Variants in STXBP4 observed in about 807,000 individuals in gnomAD.
STXBP4 encodes syntaxin binding protein 4, also known as syntaxin-binding protein 4.
STXBP4 carries 55 observed loss-of-function variants against 76.1 expected under a neutral mutation model. The ratio of observed to expected loss-of-function variants is 0.72; its 90% CI spans 0.58 to 0.91. The LOEUF is 0.91. Among genes scored for constraint, STXBP4 ranks in the 40% least tolerant of loss-of-function variants. The probability of loss-of-function intolerance (pLI) is 0.00; values close to 1 mark genes in which losing one functional copy is unlikely to be tolerated. For synonymous variants in STXBP4, 201 were observed against 220.2 expected, an observed-to-expected ratio of 0.91 and a Z score of 0.77; for missense variants, 618 against 636.9, an observed-to-expected ratio of 0.97 and a Z score of 0.32.
At chr17:55,086,357 A>T (rs2079329125) in intron 16 of STXBP4, among the ~76,000 whole-genome samples, 1 of 152,298 alleles carries the variant, frequency 6.6e-6, no homozygotes, top group Middle Eastern at 3.4e-3. Context: ...AGTAACTAGC[A>T]TATCTATCAT....
At chr17:55,084,800 G>A (rs1381318291) in intron 16 of STXBP4, among the ~76,000 whole-genome samples, 3 of 152,028 alleles carry the variant, frequency 2.0e-5, no homozygotes, top group Non-Finnish European at 2.9e-5. Context: ...GTAGATATGC[G>A]GCGTTATTTC....
In STXBP4 at chr17:55,034,088, C is replaced by A. The variant is rs111609193; in HGVS notation, c.764-80C>A. On this transcript the variant is annotated intron_variant, in intron 9 of 17. Transcript: ENST00000376352. ...AATTTATGTGGGTTAAATTTGAAACCTTAGCAACTTCATATAGAATAAAGT... is the reference window on the plus strand; with the variant it reads ...AATTTATGTGGGTTAAATTTGAAACATTAGCAACTTCATATAGAATAAAGT... 1.1e-4 allele frequency: 107 copies of A among 979,964 alleles called. 1 individual carries two copies. The Middle Eastern group carries it at 1.1e-3, about 10-fold the overall frequency. 60.7% of individuals were successfully genotyped at this position (979,964 alleles called of 1,614,324 possible). A position where few individuals can be genotyped will look rare whatever the true frequency, so the allele number is the denominator to read the frequency against.
intron 12 of STXBP4, among the ~76,000 whole-genome samples, chr17:55,068,143 A>G (rs2079075675): frequency 6.6e-6 from 1 of 152,154 alleles, no homozygotes; most frequent in African/African-American, 2.4e-5. Context: ...TTTTAATTCA[A>G]TAGCTCTTTT....
At chr17:55,126,248 C>T (rs1482588600) in intron 16 of STXBP4, among the ~76,000 whole-genome samples, 2 of 152,088 alleles carry the variant, frequency 1.3e-5, no homozygotes, top group African/African-American at 4.8e-5. Flanking sequence ...AGAGAAAAGA[C>T]AGTCAACAGA....
rs1463587215 is a variant in STXBP4, at chr17:55,084,357, A to G, written c.1489+3174A>G. Among the ~76,000 whole-genome samples, 12 of 152,060 alleles carry G rather than the reference A, an allele frequency of 7.9e-5. No individual in the cohort carries two copies. In the East Asian group the frequency reaches 1.2e-3, roughly 15 times the overall value. On this transcript the variant is annotated intron_variant, in intron 16 of 17. Transcript: ENST00000376352. ...GCTTTTTTCTTGTAAATTTGTTTGA[A>G]TTCATTGTAGATTCTGGATATTAGC...
intron 16 of STXBP4, among the ~76,000 whole-genome samples, chr17:55,104,383 T>C (rs1422381722): frequency 2.0e-5 from 3 of 152,182 alleles, no homozygotes; most frequent in Non-Finnish European, 4.4e-5. Context: ...ATGGAGATAA[T>C]CATGTGGTTT....
downstream of STXBP4, among the ~76,000 whole-genome samples, chr17:55,174,928 G>A (rs1271143595): frequency 6.6e-6 from 1 of 152,040 alleles, no homozygotes; most frequent in Admixed American, 6.5e-5. Flanking sequence ...GGAGGCTGAG[G>A]CAGGAGAACG....
At chr17:55,125,367 C>CT (rs2145103409) in intron 16 of STXBP4, among the ~76,000 whole-genome samples, 1 of 151,686 alleles carries the variant, frequency 6.6e-6, no homozygotes, top group East Asian at 1.9e-4. Flanking sequence ...TCTAAAATCT[C>CT]TTTTCACTCA....
intron 4 of STXBP4, among the ~76,000 whole-genome samples, chr17:54,992,406 C>T (rs1010891305): frequency 6.7e-6 from 1 of 148,676 alleles, no homozygotes. Context: ...CAGAACAAGA[C>T]CCTGTCTCAA....
At chr17:54,977,643 A>G (rs1265423098) in intron 1 of STXBP4, among the ~76,000 whole-genome samples, 2 of 152,208 alleles carry the variant, frequency 1.3e-5, no homozygotes, top group African/African-American at 4.8e-5. Context: ...GTCATTTAAA[A>G]ATGATCAGTT....
rs190626097 is a variant in STXBP4, at chr17:55,122,077, A to G, written c.1490-19233A>G. On this transcript the variant is annotated intron_variant, in intron 16 of 17. Coordinates refer to ENST00000376352, the MANE Select transcript of STXBP4 (RefSeq NM_178509.6). ...GTCATTTTTACCAGAAATCATTCCT[A>G]ACTAATATGCCACATTTTTTTCTAA... 9.9e-4 allele frequency among the ~76,000 whole-genome samples: 151 copies of G among 152,240 alleles called. 3 individuals are homozygous for G. Among genetic ancestry groups the G allele is most frequent in the Admixed American group, 9.6e-3 (147 of 15,292 alleles).
At chr17:55,006,108 T>A (rs2078004299) in intron 7 of STXBP4, among the ~76,000 whole-genome samples, 1 of 152,126 alleles carries the variant, frequency 6.6e-6, no homozygotes, top group Non-Finnish European at 1.5e-5. Context: ...ATTCACTTAC[T>A]TTTATCAGAA....
Position 55,147,302 on chromosome 17 carries a change from G to A in STXBP4, c.1547+5935G>A, listed in dbSNP as rs185017282. Among the ~76,000 whole-genome samples the A allele has an allele frequency of 2.5e-3, 375 of 152,276 alleles. 1 individual carries two copies. The highest frequency in any genetic ancestry group is 6.8e-3 in the Middle Eastern group (2 of 294). ...GGCATTAGATTCTCATAAGGAGCAC[G>A]CAACCTCAATCCTTTGCATGTGCAG... On this transcript the variant is annotated intron_variant, in intron 17 of 17. Transcript: ENST00000376352.
intron 16 of STXBP4, among the ~76,000 whole-genome samples, chr17:55,099,629 C>T (rs1443623937): frequency 6.6e-6 from 1 of 152,192 alleles, no homozygotes; most frequent in African/African-American, 2.4e-5. Context: ...CATGGTTATA[C>T]AGTGCATGAC....
intron 16 of STXBP4, among the ~76,000 whole-genome samples, chr17:55,092,236 A>C (rs1249199165): frequency 6.6e-6 from 1 of 152,220 alleles, no homozygotes; most frequent in Non-Finnish European, 1.5e-5. Flanking sequence ...GGCTGCACCA[A>C]AACCTCAGAA....
chr17:55,211,799 G>GTTTTTTTTT, the STXBP4 span, among the ~76,000 whole-genome samples: 72 of 48,982 alleles, frequency 1.5e-3, 10 homozygotes, highest in African/African-American at 3.1e-3. Context: ...GTTTTTTGTT[G>GTTTTTTTTT]TTTTTTTTTT....
chr17:55,033,777 A>G (rs1347709144), intron 9 of STXBP4, among the ~76,000 whole-genome samples: 1 of 152,208 alleles, frequency 6.6e-6, no homozygotes, highest in Non-Finnish European at 1.5e-5. Flanking sequence ...GCCATACAGC[A>G]GCGGTTACAT....
chr17:55,035,357 C>A (rs1488126538), intron 10 of STXBP4, among the ~76,000 whole-genome samples: 1 of 151,638 alleles, frequency 6.6e-6, no homozygotes, highest in Admixed American at 6.6e-5. Flanking sequence ...GTATTTTATA[C>A]CCATAACCAT....
At chr17:55,105,027 G>A (rs555080143) in intron 16 of STXBP4, among the ~76,000 whole-genome samples, 1 of 151,978 alleles carries the variant, frequency 6.6e-6, no homozygotes, top group East Asian at 1.9e-4. Context: ...TTCTTTATTA[G>A]TCTGGCTAGT....
Sources: gnomAD v4.1 joint callset for allele counts (sites outside exome capture counted in the v4.1 genomes callset) on GRCh38, gnomAD v4.1.1 for gene constraint, MANE v1.5 for transcripts, NCBI Gene and HGNC (gene_info 2026-07-23, HGNC 2026-07-21) for gene names.